Variants in ZC3HC1 observed in about 807,000 individuals in gnomAD.
ZC3HC1 encodes zinc finger C3HC-type protein 1.
ZC3HC1 carries 38 observed loss-of-function variants against 61.9 expected under a neutral mutation model. The ratio of observed to expected loss-of-function variants is 0.61; its 90% CI spans 0.47 to 0.81. ZC3HC1 has a LOEUF of 0.81. ZC3HC1 is among the 30% of genes least tolerant of loss of function. The pLI is 0.00. For synonymous variants in ZC3HC1, 213 were observed against 229.9 expected (o/e 0.93, Z 0.67); for missense variants, 554 against 622.7 (o/e 0.89, Z 1.17).
intron 1 of ZC3HC1, chr7:130,050,322 C>T: frequency 2.8e-6 from 3 of 1,064,274 alleles, no homozygotes; most frequent in Non-Finnish European, 4.0e-6. Flanking sequence ...CGTGATCTGC[C>T]CGCTTCAGCC....
At position 130,023,438 on chromosome 7, in the gene ZC3HC1, T is replaced by C. The variant is rs2116659543; in HGVS notation, c.1233+73A>G. On this transcript the variant is annotated intron_variant, in intron 8 of 9. Coordinates refer to ENST00000358303, the MANE Select transcript of ZC3HC1 (RefSeq NM_016478.5). This position sits in a 1 kb window ranked among gnomAD's most constrained non-coding sequence, Gnocchi z 4.2. ...GGACCACGGAAGGGCTCCTGCCTGC[T>C]TCTCCATGCTGCCTAGGGAGGGCCC... 1 of 1,452,668 alleles carries C rather than the reference T, an allele frequency of 6.9e-7. No individual in the cohort carries two copies. Among genetic ancestry groups the C allele is most frequent in the South Asian group, 1.2e-5 (1 of 80,798 alleles). 90.0% of individuals were successfully genotyped at this position (1,452,668 alleles called of 1,614,324 possible). A position where few individuals can be genotyped will look rare whatever the true frequency, so the allele number is the denominator to read the frequency against.
Position 130,024,273 on chromosome 7 carries a change from C to T in ZC3HC1, c.1010G>A (p.Gly337Asp), listed in dbSNP as rs749181985. The T allele has an allele frequency of 2.5e-6, 4 of 1,609,618 alleles. No individual in the cohort carries two copies. The highest frequency in any genetic ancestry group is 4.5e-5 in the East Asian group (2 of 44,786). Residue 337 changes from glycine (G) to aspartate (D), a missense_variant, in exon 7 of 10, where the codon GGC becomes GAC. Gly to Asp is a moderately conservative substitution (Grantham distance 94). Coordinates refer to ENST00000358303, the MANE Select transcript of ZC3HC1 (RefSeq NM_016478.5). Reference protein sequence around the residue: ...TRSQDATFSPGSEQAEKSPGP... With the variant: ...TRSQDATFSPDSEQAEKSPGP... ...AAGCTAAGTGAATACCTGCTCTGAG[C>T]CTGGGGAGAAAGTGGCATCCTGGCT... is the stretch of plus-strand genomic sequence containing the variant.
At chr7:130,019,809 G>GTTTT (rs754542017) in intron 9 of ZC3HC1, among the ~76,000 whole-genome samples, 21 of 95,816 alleles carry the variant, frequency 2.2e-4, no homozygotes, top group Admixed American at 4.8e-4. Flanking sequence ...GCTTTCACAG[G>GTTTT]TTTTTTTTTT....
In ZC3HC1 at chr7:130,023,501, G is replaced by T. The variant is rs1471570167; in HGVS notation, c.1233+10C>A. On this transcript the variant is annotated intron_variant, in intron 8 of 9. Transcript: ENST00000358303. This position sits in a 1 kb window ranked among gnomAD's most constrained non-coding sequence, Gnocchi z 4.2. ...ATGCTCAGCCACTGCTACATGCGAG[G>T]TGGACTCACCGAACTGCTGGAGGAG... The T allele has an allele frequency of 1.9e-6, 3 of 1,613,560 alleles. No individual in the cohort carries two copies. Among genetic ancestry groups the T allele is most frequent in the Non-Finnish European group, 2.5e-6 (3 of 1,179,898 alleles).
At chr7:130,019,809 GTTTTT>G (rs754542017) in intron 9 of ZC3HC1, among the ~76,000 whole-genome samples, 3 of 95,814 alleles carry the variant, frequency 3.1e-5, no homozygotes, top group East Asian at 2.3e-4. Flanking sequence ...GCTTTCACAG[GTTTTT>G]TTTTTTTTTT....
chr7:130,045,288 A>G, intron 2 of ZC3HC1: 1 of 228,518 alleles, frequency 4.4e-6, no homozygotes, highest in East Asian at 1.0e-4. Flanking sequence ...TAATTTAAAA[A>G]TTTTTAAGAA....
intron 2 of ZC3HC1, among the ~76,000 whole-genome samples, chr7:130,047,256 C>T (rs759324957): frequency 6.6e-6 from 1 of 151,984 alleles, no homozygotes; most frequent in Non-Finnish European, 1.5e-5. Context: ...CCACCACGCC[C>T]GGCCTAATTT....
chr7:130,020,742 T>C (rs1308353699), intron 9 of ZC3HC1, among the ~76,000 whole-genome samples: 2 of 151,908 alleles, frequency 1.3e-5, no homozygotes, highest in Non-Finnish European at 2.9e-5. Flanking sequence ...ACAAAACCCA[T>C]AGGCTTTCTT....
At position 130,029,013 on chromosome 7, in the gene ZC3HC1, C is replaced by G. The variant is rs1794056573; in HGVS notation, c.510G>C (p.Leu170Phe). The change falls in exon 5 of 10, where the codon TTG (leucine) becomes TTC (phenylalanine). Residue 170 changes from leucine to phenylalanine, a missense_variant. By Grantham distance (22) the Leu-to-Phe change is conservative. Transcript: ENST00000358303. ...DSPSPDRFGM[L>F]PLDEPAILVS... ...CAAGAATAGCAGGCTCATCCAGGGG[C>G]AACATCCCAAATCGGTCTGTGGAAA... 3 of 1,612,992 alleles carry G rather than the reference C, an allele frequency of 1.9e-6. No homozygotes were observed. The East Asian group carries it at 6.7e-5, about 36-fold the overall frequency.
chr7:130,039,143 G>A (rs1028430766), intron 4 of ZC3HC1: 4 of 244,324 alleles, frequency 1.6e-5, no homozygotes, highest in Non-Finnish European at 2.4e-5. Flanking sequence ...TCAAGAGTTC[G>A]AGACCAGATT....
chr7:130,039,419 A>G, intron 4 of ZC3HC1, 45 bp downstream of exon 4: 4 of 1,457,120 alleles, frequency 2.7e-6, no homozygotes, highest in South Asian at 2.4e-5. Flanking sequence ...TAGAAATGCA[A>G]TGATGAAGGA....
At chr7:130,019,034 CAT>C (rs1020633537) in intron 9 of ZC3HC1, among the ~76,000 whole-genome samples, 13 of 151,308 alleles carry the variant, frequency 8.6e-5, no homozygotes, top group African/African-American at 2.4e-4. Flanking sequence ...TAGTACAGCA[CAT>C]GTTTTGCACT....
At position 130,018,469 on chromosome 7, in the gene ZC3HC1, T is replaced by A. The variant is rs1793469138; in HGVS notation, c.*195A>T. 1.8e-6 allele frequency: 1 copy of A among 547,172 alleles called. No individual in the cohort carries two copies. The highest frequency in any genetic ancestry group is 3.3e-6 in the Non-Finnish European group (1 of 304,156). The allele number at this position is 547,172 out of a possible 1,614,324, so 33.9% of individuals were successfully genotyped here. On this transcript the variant is annotated 3_prime_UTR_variant, in exon 10 of 10. Coordinates refer to ENST00000358303, the MANE Select transcript of ZC3HC1 (RefSeq NM_016478.5). ...GCTTGCTGCCCTTACCCTGTCCACATCCCTGAAAGGAAACGGGTCTCTCTC... is the reference window on the plus strand; with the variant it reads ...GCTTGCTGCCCTTACCCTGTCCACAACCCTGAAAGGAAACGGGTCTCTCTC...
chr7:130,031,461 T>C (rs941795702), intron 4 of ZC3HC1, among the ~76,000 whole-genome samples: 1 of 152,058 alleles, frequency 6.6e-6, no homozygotes, highest in Non-Finnish European at 1.5e-5. Flanking sequence ...CATTATTTGA[T>C]CTGTGTGGCA....
At chr7:130,042,637 TA>T (rs1397669650) in intron 2 of ZC3HC1, among the ~76,000 whole-genome samples, 3 of 152,186 alleles carry the variant, frequency 2.0e-5, no homozygotes, top group Non-Finnish European at 4.4e-5. Flanking sequence ...AAAGGTATCC[TA>T]AAACATTTAT....
At position 130,018,659 on chromosome 7, in the gene ZC3HC1, T is replaced by C; in HGVS notation, c.*5A>G. 1.2e-6 allele frequency: 2 copies of C among 1,605,698 alleles called. No individual in the cohort carries two copies. The highest frequency in any genetic ancestry group is 1.7e-6 in the Non-Finnish European group (2 of 1,173,744). On this transcript the variant is annotated 3_prime_UTR_variant, in exon 10 of 10. Transcript: ENST00000358303. The stretch of plus-strand genomic sequence containing the variant: ...AGCTATCTCCAGGAAGGCGCTGGAG[T>C]ATCTTCAGCATGAGCACAGAGATTC...
chr7:130,028,623 A>C (rs550677101), intron 5 of ZC3HC1, among the ~76,000 whole-genome samples: 1 of 152,178 alleles, frequency 6.6e-6, no homozygotes, highest in South Asian at 2.1e-4. Flanking sequence ...GCAAACTTGA[A>C]TCTATGCTTC....
At chr7:130,027,223 T>G (rs541839590) in intron 5 of ZC3HC1, 1 of 152,060 alleles carries the variant, frequency 6.6e-6, no homozygotes, top group South Asian at 2.1e-4. Context: ...AAAAAAAAAT[T>G]GCCTTGGCTA....
intron 5 of ZC3HC1, chr7:130,027,242 G>C (rs546950962): frequency 6.6e-6 from 1 of 152,088 alleles, no homozygotes; most frequent in Non-Finnish European, 1.5e-5. Flanking sequence ...TAGGGACAGG[G>C]TTATATTCAT....
Sources: allele counts gnomAD v4.1 joint callset (sites outside exome capture counted in the v4.1 genomes callset), GRCh38; gene constraint gnomAD v4.1.1; non-coding constraint Gnocchi (gnomAD v3.1); transcripts MANE v1.5; gene names NCBI Gene and HGNC (gene_info 2026-07-23, HGNC 2026-07-21).